The following ZCCHC7 variants were observed in gnomAD, a reference collection of about 807,000 sequenced individuals.
ZCCHC7 encodes the protein zinc finger CCHC domain-containing protein 7.
Under a neutral mutation model 52.0 loss-of-function variants are expected in ZCCHC7, and 35 were observed. That is an observed-to-expected ratio of 0.67 (90% confidence interval 0.51 to 0.89). The LOEUF is 0.89. ZCCHC7 is among the 40% of genes least tolerant of loss of function. The probability of loss-of-function intolerance (pLI) is 0.00; values close to 1 mark genes in which losing one functional copy is unlikely to be tolerated. For missense variants in ZCCHC7, 574 were observed against 649.1 expected (o/e 0.88, Z 1.26); for synonymous variants, 217 against 221.5 (o/e 0.98, Z 0.18).
intron 2 of ZCCHC7, among the ~76,000 whole-genome samples, chr9:37,204,091 G>A (rs892458259): frequency 5.3e-5 from 8 of 152,142 alleles, no homozygotes; most frequent in African/African-American, 9.7e-5. Context: ...TTTGTCAGCC[G>A]TGTAAATGTC....
intron 2 of ZCCHC7, among the ~76,000 whole-genome samples, chr9:37,282,439 C>T (rs971726630): frequency 6.6e-6 from 1 of 151,780 alleles, no homozygotes; most frequent in Non-Finnish European, 1.5e-5. Flanking sequence ...CCCGTCTCTA[C>T]TAAAAATACA....
intron 6 of ZCCHC7, among the ~76,000 whole-genome samples, chr9:37,335,178 A>G (rs1830596574): frequency 6.6e-6 from 1 of 152,156 alleles, no homozygotes; most frequent in Non-Finnish European, 1.5e-5. Context: ...CTTTGTTTAT[A>G]CAATATCAAT....
intron 2 of ZCCHC7, among the ~76,000 whole-genome samples, chr9:37,269,185 T>C (rs1321199092): frequency 6.6e-6 from 1 of 151,382 alleles, no homozygotes; most frequent in African/African-American, 2.4e-5. Context: ...GCTGGAAGAG[T>C]AAGTAAAGAT....
intron 2 of ZCCHC7, among the ~76,000 whole-genome samples, chr9:37,280,010 C>T (rs921162641): frequency 6.6e-6 from 1 of 151,820 alleles, no homozygotes; most frequent in Non-Finnish European, 1.5e-5. Context: ...AAAAATTAGC[C>T]GGTCCTGGCG....
chr9:37,226,731 AAAAG>A (rs1340585021), intron 2 of ZCCHC7, among the ~76,000 whole-genome samples: 3 of 152,186 alleles, frequency 2.0e-5, no homozygotes, highest in East Asian at 1.9e-4. Context: ...TGAAAATTCT[AAAAG>A]AAAACAGGAT....
intron 2 of ZCCHC7, among the ~76,000 whole-genome samples, chr9:37,176,054 T>TTTTGTTTG (rs144557198): frequency 1.3e-5 from 2 of 151,620 alleles, no homozygotes; most frequent in Non-Finnish European, 2.9e-5. Flanking sequence ...CCTCATTTGT[T>TTTTGTTTG]TTTGTTTGTT....
chr9:37,342,843 C>T (rs186824012), intron 6 of ZCCHC7, among the ~76,000 whole-genome samples: 53 of 152,318 alleles, frequency 3.5e-4, no homozygotes, highest in Admixed American at 2.7e-3. Context: ...GTCACATAGT[C>T]AGTAAATAGT....
At chr9:37,149,241 T>G (rs984560400) in intron 2 of ZCCHC7, among the ~76,000 whole-genome samples, 1 of 152,182 alleles carries the variant, frequency 6.6e-6, no homozygotes, top group Non-Finnish European at 1.5e-5. Flanking sequence ...TGGGAGAAAC[T>G]CATAAGGAAT....
At chr9:37,269,654 A>G (rs1164599748) in intron 2 of ZCCHC7, among the ~76,000 whole-genome samples, 1 of 149,782 alleles carries the variant, frequency 6.7e-6, no homozygotes, top group Non-Finnish European at 1.5e-5. Flanking sequence ...AAACAAAAGA[A>G]GTTCTAGGCA....
chr9:37,328,786 T>C (rs1187806200), intron 6 of ZCCHC7, among the ~76,000 whole-genome samples: 3 of 151,974 alleles, frequency 2.0e-5, no homozygotes, highest in Non-Finnish European at 4.4e-5. Flanking sequence ...TACCTGTCTG[T>C]CTGTCACAGG....
intron 2 of ZCCHC7, among the ~76,000 whole-genome samples, chr9:37,255,478 T>TC (rs1437420987): frequency 1.4e-4 from 22 of 152,156 alleles, no homozygotes; most frequent in African/African-American, 5.1e-4. Context: ...GATTTCATCA[T>TC]GCTACTCAGA....
intron 2 of ZCCHC7, among the ~76,000 whole-genome samples, chr9:37,242,655 G>A (rs1276497938): frequency 2.0e-5 from 3 of 151,766 alleles, no homozygotes; most frequent in African/African-American, 7.2e-5. Flanking sequence ...CTGACAGGAT[G>A]ACATAGTGAA....
Position 37,126,357 on chromosome 9 carries a change from A to T in ZCCHC7, c.25A>T (p.Ile9Leu). 6.2e-7 allele frequency: 1 copy of T among 1,613,886 alleles called. No homozygotes were observed. Among genetic ancestry groups the T allele is most frequent in the Non-Finnish European group, 8.5e-7 (1 of 1,179,914 alleles). Residue 9 changes from isoleucine (I) to leucine (L), a missense_variant, in exon 2 of 9, where the codon ATA (isoleucine) becomes TTA (leucine). Around this residue, in one of 3 missense-constraint regions of ZCCHC7, gnomAD observed 403 missense variants for 461.2 expected, o/e 0.87. Coordinates refer to ENST00000336755, the MANE Select transcript of ZCCHC7 (RefSeq NM_032226.3). ...TATGATGTTTGGTGGCTATGAGACTATAGAAGCATACGAAGATGATCTTTA... is the reference window on the plus strand; with the variant it reads ...TATGATGTTTGGTGGCTATGAGACTTTAGAAGCATACGAAGATGATCTTTA... Reference protein sequence around the residue: MMFGGYETIEAYEDDLYRD... With the variant: MMFGGYETLEAYEDDLYRD...
intron 2 of ZCCHC7, among the ~76,000 whole-genome samples, chr9:37,157,151 G>A (rs889479371): frequency 6.7e-5 from 10 of 150,162 alleles, no homozygotes; most frequent in African/African-American, 2.2e-4. Context: ...TGTGACACCA[G>A]TCTGTACTAG....
chr9:37,163,512 G>A (rs558602406), intron 2 of ZCCHC7, among the ~76,000 whole-genome samples: 75 of 152,060 alleles, frequency 4.9e-4, no homozygotes, highest in African/African-American at 1.6e-3. Context: ...CTAACCCTAC[G>A]AACAGTCTTG....
At position 37,123,805 on chromosome 9, in the gene ZCCHC7, C is replaced by T. The variant is rs960851582; in HGVS notation, c.-21-2507C>T. On this transcript the variant is annotated intron_variant, in intron 1 of 8. Coordinates refer to ENST00000336755, the MANE Select transcript of ZCCHC7 (RefSeq NM_032226.3). ...AAAAGGAAAGGATTCATCTTTTATT[C>T]GAATTCCTCTGAGGCTAACAATTCA... Among the ~76,000 whole-genome samples, 19 of 152,254 alleles carry T rather than the reference C, an allele frequency of 1.2e-4. 1 individual carries two copies. Among genetic ancestry groups the T allele is most frequent in the South Asian group, 2.1e-4 (1 of 4,816 alleles).
chr9:37,164,488 GATA>G lies in ZCCHC7; in HGVS notation c.610+37547_610+37549del, dbSNP rs2132931291. On this transcript the variant is annotated intron_variant, in intron 2 of 8. Coordinates refer to ENST00000336755, the MANE Select transcript of ZCCHC7 (RefSeq NM_032226.3). ...AGATAGATAGATAGATAGATAGATA[GATA>G]GATAGATAGACAGACAAGATAGATA... Among the ~76,000 whole-genome samples, 8 of 150,272 alleles carry G rather than the reference GATA, an allele frequency of 5.3e-5. No individual in the cohort carries two copies. The South Asian group carries it at 1.7e-3, about 33-fold the overall frequency.
At chr9:37,306,553 A>G (rs934170164) in intron 5 of ZCCHC7, among the ~76,000 whole-genome samples, 8 of 142,480 alleles carry the variant, frequency 5.6e-5, no homozygotes, top group African/African-American at 2.1e-4. Context: ...GCAACCTCCA[A>G]CTCCTGGGTT....
chr9:37,334,108 A>C (rs984627817), intron 6 of ZCCHC7, among the ~76,000 whole-genome samples: 1 of 151,914 alleles, frequency 6.6e-6, no homozygotes, highest in Non-Finnish European at 1.5e-5. Context: ...ACGTACACAT[A>C]AAGAGTGTAG....
Sources: gnomAD v4.1 joint callset for allele counts (sites outside exome capture counted in the v4.1 genomes callset) on GRCh38, gnomAD v4.1.1 for gene constraint, gnomAD v4.1.1 regional missense constraint, MANE v1.5 for transcripts, NCBI Gene and HGNC (gene_info 2026-07-23, HGNC 2026-07-21) for gene names.